Variants in PTK2 observed in about 807,000 individuals in gnomAD.
PTK2 encodes the protein focal adhesion kinase 1.
In PTK2, 45 loss-of-function variants were observed where a neutral mutation model predicts 150.1. That is an observed-to-expected ratio of 0.30 (90% CI 0.24 to 0.38). PTK2 has a LOEUF of 0.38. Among genes scored for constraint, PTK2 ranks in the 10% least tolerant of loss-of-function variants. The pLI is 1.00. For missense variants in PTK2, 919 were observed against 1,307.3 expected (o/e 0.70, Z 4.58); for synonymous variants, 432 against 449.2 (o/e 0.96, Z 0.48).
At chr8:140,820,076 GTTTTTTTTTTTTTTTTTTTTTTTTT>G (rs370537018) in intron 8 of PTK2, among the ~76,000 whole-genome samples, 125 of 50,260 alleles carry the variant, frequency 2.5e-3, no homozygotes, top group South Asian at 4.5e-3. Context: ...TCTGACTTTG[GTTTTTTTTTTTTTTTTTTTTTTTTT>G]TTTTTTTTTT....
At chr8:140,895,043 A>G (rs2100155614) in intron 2 of PTK2, among the ~76,000 whole-genome samples, 2 of 152,244 alleles carry the variant, frequency 1.3e-5, no homozygotes, top group South Asian at 4.1e-4. Flanking sequence ...TTCAGAGTAT[A>G]TTCTGTGTCT....
At chr8:140,922,453 G>C (rs1338033762) in intron 2 of PTK2, among the ~76,000 whole-genome samples, 1 of 151,832 alleles carries the variant, frequency 6.6e-6, no homozygotes, top group Non-Finnish European at 1.5e-5. Flanking sequence ...ATTATACTAA[G>C]AGACCAAGAC....
chr8:140,663,336 C>T (rs2083683490), intron 31 of PTK2, among the ~76,000 whole-genome samples: 1 of 152,222 alleles, frequency 6.6e-6, no homozygotes, highest in South Asian at 2.1e-4. Context: ...TTTTAACTTT[C>T]ATATAAATCT....
intron 14 of PTK2, among the ~76,000 whole-genome samples, chr8:140,786,640 CAAGAA>C (rs2100085136): frequency 6.6e-6 from 1 of 151,724 alleles, no homozygotes. Context: ...GGCCGGCAGG[CAAGAA>C]AAGAAAAGAA....
chr8:140,838,753 GC>G (rs2100120360), intron 7 of PTK2, among the ~76,000 whole-genome samples: 1 of 152,038 alleles, frequency 6.6e-6, no homozygotes, highest in African/African-American at 2.4e-5. Flanking sequence ...ACGCTTGTAA[GC>G]CCAGCACTTT....
chr8:140,779,784 T>C (rs1483845360), intron 14 of PTK2, among the ~76,000 whole-genome samples: 1 of 152,188 alleles, frequency 6.6e-6, no homozygotes, highest in East Asian at 1.9e-4. Context: ...CATTTTCCTT[T>C]TTATTTCTAG....
At chr8:140,923,079 T>C (rs1460155579) in intron 2 of PTK2, among the ~76,000 whole-genome samples, 2 of 152,174 alleles carry the variant, frequency 1.3e-5, no homozygotes, top group African/African-American at 4.8e-5. Context: ...ATGGGGGCTT[T>C]CTCTCCTACC....
intron 26 of PTK2, among the ~76,000 whole-genome samples, chr8:140,697,481 C>T (rs1338405295): frequency 1.3e-5 from 2 of 151,382 alleles, no homozygotes; most frequent in African/African-American, 4.9e-5. Context: ...TGCTCTGTTG[C>T]CCAGGCTGGA....
At chr8:140,808,733 G>GTTTTTTTTTTTTTTTTTTTTTTT (rs57600032) in intron 10 of PTK2, among the ~76,000 whole-genome samples, 1 of 116,594 alleles carries the variant, frequency 8.6e-6, no homozygotes, top group Non-Finnish European at 1.8e-5. Flanking sequence ...TTTTGTTCTT[G>GTTTTTTTTTTTTTTTTTTTTTTT]TTTTTTTTTT....
chr8:140,731,530 A>G (rs2100049360), intron 22 of PTK2, among the ~76,000 whole-genome samples: 1 of 152,208 alleles, frequency 6.6e-6, no homozygotes, highest in African/African-American at 2.4e-5. Flanking sequence ...AGTAGGACCA[A>G]GGTGATTTTC....
intron 8 of PTK2, among the ~76,000 whole-genome samples, chr8:140,819,581 C>CA (rs1299062624): frequency 2.6e-5 from 4 of 152,160 alleles, no homozygotes; most frequent in Non-Finnish European, 5.9e-5. Context: ...TCTTCTCAAC[C>CA]AACATTCTAT....
chr8:140,796,388 T>G (rs1243979217), intron 12 of PTK2, among the ~76,000 whole-genome samples: 1 of 152,064 alleles, frequency 6.6e-6, no homozygotes, highest in African/African-American at 2.4e-5. Context: ...GATAGTTACG[T>G]TTATTATCCC....
At chr8:140,877,221 C>G (rs1224557996) in intron 4 of PTK2, among the ~76,000 whole-genome samples, 1 of 151,746 alleles carries the variant, frequency 6.6e-6, no homozygotes, top group Non-Finnish European at 1.5e-5. Context: ...TTAGTAGAGA[C>G]AGGGTTTCAC....
intron 5 of PTK2, among the ~76,000 whole-genome samples, chr8:140,852,550 C>T (rs909936238): frequency 7.2e-5 from 11 of 152,180 alleles, no homozygotes; most frequent in African/African-American, 2.7e-4. Context: ...TATATCATGA[C>T]TGAAGTGGTA....
At chr8:140,764,183 A>C (rs7840381) in intron 15 of PTK2, 51 bp downstream of exon 17, 637,160 of 1,424,952 alleles carry the variant, frequency 0.45, 147,568 homozygotes, top group Admixed American at 0.64. Flanking sequence ...TTTTAAATGC[A>C]AGGAGGCATC....
intron 13 of PTK2, among the ~76,000 whole-genome samples, chr8:140,791,604 G>A (rs2100088471): frequency 6.6e-6 from 1 of 152,186 alleles, no homozygotes; most frequent in South Asian, 2.1e-4. Context: ...CCATGTTTAG[G>A]ACTCTGGTAA....
At chr8:140,910,742 A>G (rs1051077903) in intron 2 of PTK2, among the ~76,000 whole-genome samples, 2 of 152,164 alleles carry the variant, frequency 1.3e-5, no homozygotes, top group African/African-American at 4.8e-5. Context: ...AAGTGACTGG[A>G]CATCTCAGTA....
At chr8:140,731,746 A>G (rs892734087) in intron 22 of PTK2, among the ~76,000 whole-genome samples, 2 of 152,058 alleles carry the variant, frequency 1.3e-5, no homozygotes, top group African/African-American at 4.8e-5. Context: ...AATACAAAAA[A>G]TTAGCTGGGT....
intron 14 of PTK2, among the ~76,000 whole-genome samples, chr8:140,765,899 C>A (rs1337015238): frequency 6.6e-6 from 1 of 152,180 alleles, no homozygotes; most frequent in African/African-American, 2.4e-5. Context: ...CATTTGCAAT[C>A]ATTTCTCTTT....
Sources: allele counts gnomAD v4.1 joint callset (sites outside exome capture counted in the v4.1 genomes callset), GRCh38; gene constraint gnomAD v4.1.1; transcripts MANE v1.5; gene names NCBI Gene and HGNC (gene_info 2026-07-23, HGNC 2026-07-21).